Variants in MSH3 observed in about 807,000 individuals in gnomAD.
MSH3 encodes the protein DNA mismatch repair protein Msh3.
In MSH3, 106 loss-of-function variants were observed where a neutral mutation model predicts 123.3. The observed-to-expected ratio is 0.86, with a 90% confidence interval of 0.73 to 1.01. MSH3 has a LOEUF of 1.01. Ranked by LOEUF, MSH3 falls within the 50% of genes least tolerant of loss-of-function variation. The pLI is 0.00. For missense variants in MSH3, 1,459 were observed against 1,347.6 expected (o/e 1.08, Z -1.29); for synonymous variants, 515 against 481.4 (o/e 1.07, Z -0.91).
chr5:80,731,198 C>T (rs917547736), intron 10 of MSH3, among the ~76,000 whole-genome samples: 10 of 151,978 alleles, frequency 6.6e-5, no homozygotes, highest in Admixed American at 2.0e-4. Flanking sequence ...CCACCGTGTC[C>T]GGCCTGTCTT....
At chr5:80,703,657 A>G (rs373300650) in intron 8 of MSH3, among the ~76,000 whole-genome samples, 1 of 152,046 alleles carries the variant, frequency 6.6e-6, no homozygotes, top group African/African-American at 2.4e-5. Context: ...TCCATCTTGC[A>G]TATTTCCTAA....
chr5:80,716,241 T>C (rs1367910099), intron 8 of MSH3, among the ~76,000 whole-genome samples: 1 of 152,226 alleles, frequency 6.6e-6, no homozygotes, highest in Non-Finnish European at 1.5e-5. Context: ...CACCTATCTT[T>C]CAACTGCTTT....
intron 10 of MSH3, among the ~76,000 whole-genome samples, chr5:80,730,877 C>T (rs979619057): frequency 4.6e-5 from 6 of 131,512 alleles, no homozygotes; most frequent in African/African-American, 1.7e-4. Flanking sequence ...GTGTCCTCCT[C>T]ATATATATAT....
Position 80,703,829 on chromosome 5 carries a change from C to T in MSH3, c.1341-21624C>T, listed in dbSNP as rs114795159. 7.5e-3 allele frequency among the ~76,000 whole-genome samples: 1,146 copies of T among 151,830 alleles called. 15 individuals carry two copies. Among genetic ancestry groups the T allele is most frequent in the African/African-American group, 0.025 (1,043 of 41,346 alleles). On this transcript the variant is annotated intron_variant, in intron 8 of 23. Transcript: ENST00000265081. The stretch of plus-strand genomic sequence containing the variant: ...GTTTTTTTTTTAATTGGTTTGTTGA[C>T]TGGACGTAAACACTAGTATAACACT...
chr5:80,776,928 A>ATATATTT (rs71640414), intron 16 of MSH3, among the ~76,000 whole-genome samples: 38 of 139,394 alleles, frequency 2.7e-4, no homozygotes, highest in East Asian at 1.1e-3. Context: ...ATATATATAT[A>ATATATTT]TTTTTTTTTT....
chr5:80,741,643 A>G (rs1743616562), intron 11 of MSH3, 95 bp downstream of exon 11: 3 of 867,752 alleles, frequency 3.5e-6, no homozygotes, highest in East Asian at 2.4e-5. Context: ...AGGTGAAAAT[A>G]TAGTGTCTTT....
intron 10 of MSH3, among the ~76,000 whole-genome samples, chr5:80,736,828 C>T (rs777026336): frequency 2.6e-5 from 4 of 152,290 alleles, no homozygotes; most frequent in Non-Finnish European, 4.4e-5. Context: ...TGTGTGACTC[C>T]GCCTGGAGAG....
intron 8 of MSH3, among the ~76,000 whole-genome samples, chr5:80,691,972 T>TAGATAAACATGTATATGTTTAG (rs1750275694): frequency 1.8e-4 from 8 of 45,676 alleles, no homozygotes; most frequent in Admixed American, 4.1e-4. Context: ...TATATGTTTA[T>TAGATAAACATGTATATGTTTAG]ATAGATAAAC....
In MSH3 at chr5:80,654,908, G is replaced by GCAGCGCCCCCAACGCCCC. The variant is rs1749212143; in HGVS notation, c.192_193insACGCCCCCAGCGCCCCCA (p.Pro64_Ala65insThrProProAlaProPro). The GCAGCGCCCCCAACGCCCC allele has an allele frequency of 6.5e-7, 1 of 1,532,702 alleles. No individual in the cohort carries two copies. Among genetic ancestry groups the GCAGCGCCCCCAACGCCCC allele is most frequent in the African/African-American group, 1.5e-5 (1 of 66,132 alleles). 94.9% of individuals were successfully genotyped at this position (1,532,702 alleles called of 1,614,324 possible). On this transcript the variant is annotated inframe_insertion, in exon 1 of 24. Transcript: ENST00000265081. ...AGCGGCTGCAGCGGCCGCAGCGGCC[G>GCAGCGCCCCCAACGCCCC]CAGCGCCCCCAGCGCCCCCAGCTCC...
chr5:80,826,751 A>G (rs1679115), intron 20 of MSH3, among the ~76,000 whole-genome samples: 106,882 of 151,826 alleles, frequency 0.7, 37,639 homozygotes, highest in South Asian at 0.8. Context: ...GTTTCACCAC[A>G]TTGGGCAAGC....
At chr5:80,831,689 T>C (rs978092760) in intron 20 of MSH3, among the ~76,000 whole-genome samples, 5 of 131,848 alleles carry the variant, frequency 3.8e-5, no homozygotes, top group Non-Finnish European at 6.7e-5. Flanking sequence ...GTATGTAATA[T>C]CCAAAAAAAA....
chr5:80,707,137 A>G (rs111390635), intron 8 of MSH3, among the ~76,000 whole-genome samples: 1,535 of 152,312 alleles, frequency 0.01, 26 homozygotes, highest in African/African-American at 0.035. Flanking sequence ...TACAGTGCAT[A>G]CTTTTTTGTG....
At chr5:80,790,422 A>C (rs1476317980) in intron 18 of MSH3, among the ~76,000 whole-genome samples, 1 of 152,142 alleles carries the variant, frequency 6.6e-6, no homozygotes, top group Non-Finnish European at 1.5e-5. Flanking sequence ...ATGTGGGTTT[A>C]TTGGATTGTT....
At chr5:80,667,146 C>G (rs1469404824) in intron 3 of MSH3, among the ~76,000 whole-genome samples, 2 of 152,050 alleles carry the variant, frequency 1.3e-5, no homozygotes, top group Non-Finnish European at 2.9e-5. Flanking sequence ...TTGTTAGCAT[C>G]CCATAAGGAT....
At chr5:80,818,320 A>G (rs1207025003) in intron 20 of MSH3, among the ~76,000 whole-genome samples, 1 of 148,018 alleles carries the variant, frequency 6.8e-6, no homozygotes, top group African/African-American at 2.5e-5. Flanking sequence ...CCATAGGGGT[A>G]CTGTCAGCAA....
intron 19 of MSH3, among the ~76,000 whole-genome samples, chr5:80,795,277 CTTG>C (rs1348939291): frequency 6.6e-6 from 1 of 152,122 alleles, no homozygotes; most frequent in Non-Finnish European, 1.5e-5. Flanking sequence ...CATAACAAGA[CTTG>C]TTGGTAGTAT....
At chr5:80,824,650 C>T (rs1317264484) in intron 20 of MSH3, among the ~76,000 whole-genome samples, 1 of 152,148 alleles carries the variant, frequency 6.6e-6, no homozygotes, top group African/African-American at 2.4e-5. Context: ...TGAAGTGAAA[C>T]AAAAACACCC....
chr5:80,842,719 G>T (rs2112092742), intron 20 of MSH3, among the ~76,000 whole-genome samples: 1 of 152,238 alleles, frequency 6.6e-6, no homozygotes, highest in Admixed American at 6.5e-5. Context: ...TATTATTGGT[G>T]TATAGGAATG....
intron 1 of MSH3, chr5:80,655,265 G>A: frequency 3.4e-6 from 1 of 295,522 alleles, no homozygotes; most frequent in Non-Finnish European, 6.2e-6. Context: ...GGCAAGGGGT[G>A]CGTCTTTTAA....
Sources: gnomAD v4.1 joint callset for allele counts (sites outside exome capture counted in the v4.1 genomes callset) on GRCh38, gnomAD v4.1.1 for gene constraint, MANE v1.5 for transcripts, NCBI Gene and HGNC (gene_info 2026-07-23, HGNC 2026-07-21) for gene names.